Variants in BAZ2B observed in about 807,000 individuals in gnomAD.
BAZ2B encodes bromodomain adjacent to zinc finger domain protein 2B.
BAZ2B carries 91 observed loss-of-function variants against 246.0 expected under a neutral mutation model. That is an observed-to-expected ratio of 0.37 (90% CI 0.31 to 0.44). The LOEUF (loss-of-function observed/expected upper bound fraction) is 0.44. Among genes scored for constraint, BAZ2B ranks in the 20% least tolerant of loss-of-function variants. The pLI is 1.00. For missense variants in BAZ2B, 2,332 were observed against 2,533.7 expected, an observed-to-expected ratio of 0.92 and a Z score of 1.71; for synonymous variants, 855 against 860.0, an observed-to-expected ratio of 0.99 and a Z score of 0.10.
At chr2:159,397,254 A>G (rs2149692176) in intron 19 of BAZ2B, 91 bp downstream of exon 19, 1 of 1,277,776 alleles carries the variant, frequency 7.8e-7, no homozygotes, top group South Asian at 1.4e-5. Flanking sequence ...AGAAATTTTA[A>G]AGAAAATATT....
At chr2:159,555,177 C>T (rs566440053) in intron 2 of BAZ2B, among the ~76,000 whole-genome samples, 1 of 151,232 alleles carries the variant, frequency 6.6e-6, no homozygotes, top group African/African-American at 2.4e-5. Flanking sequence ...CTGCAACCTC[C>T]ACCTCCCGGG....
At chr2:159,696,919 T>C in the BAZ2B span, among the ~76,000 whole-genome samples, 1 of 152,162 alleles carries the variant, frequency 6.6e-6, no homozygotes, top group African/African-American at 2.4e-5. Context: ...CCCAAGTAGC[T>C]GCGACTACAG....
the BAZ2B span, among the ~76,000 whole-genome samples, chr2:159,682,375 C>A: frequency 6.6e-6 from 1 of 151,842 alleles, no homozygotes; most frequent in South Asian, 2.1e-4. Flanking sequence ...GACAGTATCT[C>A]ACTATATTGT....
chr2:159,403,013 C>T (rs2065328757), intron 16 of BAZ2B, among the ~76,000 whole-genome samples: 1 of 151,974 alleles, frequency 6.6e-6, no homozygotes, highest in South Asian at 2.1e-4. Context: ...ATATAGAGTC[C>T]TCGTCAGATC....
rs756592675 is a variant in BAZ2B at position 159,453,720 on chromosome 2, A to G, written c.227T>C (p.Val76Ala). The G allele has an allele frequency of 6.2e-7, 1 of 1,613,720 alleles. No homozygotes were observed. Among genetic ancestry groups the G allele is most frequent in the East Asian group, 2.2e-5 (1 of 44,846 alleles). ...SSAFPMVSHP[V>A]FGLHSASSGH... ...TGAGCTGGCTGAATGTAGACCAAAGACTGGGTGGCTGACCATTGGGAAGGC... is the reference window on the plus strand; with the variant it reads ...TGAGCTGGCTGAATGTAGACCAAAGGCTGGGTGGCTGACCATTGGGAAGGC... The change falls in exon 4 of 37, where the codon GTC becomes GCC. Residue 76 changes from valine to alanine, a missense_variant. Val to Ala is a moderately conservative substitution (Grantham distance 64). This residue lies in a region of BAZ2B where 242 missense variants were observed against 237.4 expected (regional missense o/e 1.02). Coordinates refer to ENST00000392783, the MANE Select transcript of BAZ2B (RefSeq NM_013450.4).
intron 1 of BAZ2B, among the ~76,000 whole-genome samples, chr2:159,600,021 G>A (rs906214860): frequency 3.3e-5 from 5 of 151,992 alleles, no homozygotes; most frequent in African/African-American, 7.2e-5. Flanking sequence ...GTAAAATCTC[G>A]TAGAATGTCC....
At chr2:159,652,808 G>A in the BAZ2B span, among the ~76,000 whole-genome samples, 1 of 151,486 alleles carries the variant, frequency 6.6e-6, no homozygotes, top group Non-Finnish European at 1.5e-5. Context: ...TGTAGAGATG[G>A]GGTCTCACTC....
intron 27 of BAZ2B, among the ~76,000 whole-genome samples, chr2:159,368,050 G>A (rs943484065): frequency 6.6e-6 from 1 of 152,114 alleles, no homozygotes; most frequent in Non-Finnish European, 1.5e-5. Flanking sequence ...TTATACACTT[G>A]TATGTTCTCT....
chr2:159,508,126 C>A (rs1012014191), intron 2 of BAZ2B, among the ~76,000 whole-genome samples: 5 of 152,154 alleles, frequency 3.3e-5, no homozygotes, highest in Admixed American at 1.3e-4. Flanking sequence ...CCGCCTTGGC[C>A]TCCCAAAGTG....
chr2:159,517,134 G>C (rs2083514007), intron 2 of BAZ2B, among the ~76,000 whole-genome samples: 1 of 151,544 alleles, frequency 6.6e-6, no homozygotes, highest in African/African-American at 2.4e-5. Flanking sequence ...TAATTTATGT[G>C]GCAGTCTTTG....
chr2:159,357,472 T>G (rs1034524548), intron 27 of BAZ2B, among the ~76,000 whole-genome samples: 2 of 151,762 alleles, frequency 1.3e-5, no homozygotes, highest in Middle Eastern at 3.2e-3. Context: ...TGGGACTATG[T>G]GAAAAGACCA....
chr2:159,583,898 A>G (rs1687425942), intron 1 of BAZ2B, among the ~76,000 whole-genome samples: 2 of 152,190 alleles, frequency 1.3e-5, no homozygotes, highest in Admixed American at 1.3e-4. Flanking sequence ...AGGAATAGCA[A>G]ATACAAATAG....
intron 3 of BAZ2B, among the ~76,000 whole-genome samples, chr2:159,465,683 A>T (rs901202570): frequency 6.6e-6 from 1 of 152,224 alleles, no homozygotes; most frequent in Admixed American, 6.5e-5. Context: ...GTATTTTGGG[A>T]GGCCGAGGTG....
At chr2:159,595,357 C>A (rs1205392451) in intron 1 of BAZ2B, among the ~76,000 whole-genome samples, 1 of 152,154 alleles carries the variant, frequency 6.6e-6, no homozygotes, top group African/African-American at 2.4e-5. Flanking sequence ...CCACCTCGGC[C>A]TCCCAAAGTG....
rs1393182682 is a variant in BAZ2B at position 159,431,167 on chromosome 2, A to C, written c.1901-11T>G. 6.3e-7 allele frequency: 1 copy of C among 1,595,266 alleles called. No individual in the cohort carries two copies. Among genetic ancestry groups the C allele is most frequent in the East Asian group, 2.2e-5 (1 of 44,630 alleles). On this transcript the variant is annotated splice_polypyrimidine_tract_variant and intron_variant, in intron 9 of 36. Coordinates refer to ENST00000392783, the MANE Select transcript of BAZ2B (RefSeq NM_013450.4). The stretch of plus-strand genomic sequence containing the variant: ...AATTACTATCTGATTCTGGGAAGTA[A>C]AAGAAGCATTTGTATATTATAACTA...
chr2:159,537,733 T>C (rs563494071), intron 2 of BAZ2B, among the ~76,000 whole-genome samples: 2 of 152,356 alleles, frequency 1.3e-5, no homozygotes, highest in African/African-American at 4.8e-5. Flanking sequence ...TTACTATTTA[T>C]CTATTGCTCT....
At chr2:159,640,070 A>T in the BAZ2B span, among the ~76,000 whole-genome samples, 1 of 152,172 alleles carries the variant, frequency 6.6e-6, no homozygotes, top group Admixed American at 6.5e-5. Context: ...TGACATAGAC[A>T]AAATAGATTT....
the BAZ2B span, among the ~76,000 whole-genome samples, chr2:159,623,504 G>A: frequency 7.2e-5 from 11 of 152,252 alleles, no homozygotes; most frequent in East Asian, 3.9e-4. Flanking sequence ...GAAGAATTGC[G>A]GAGATACTGT....
chr2:159,456,186 A>C (rs1354486459), intron 3 of BAZ2B, among the ~76,000 whole-genome samples: 1 of 152,126 alleles, frequency 6.6e-6, no homozygotes, highest in Non-Finnish European at 1.5e-5. Context: ...AATTGAAATT[A>C]TCAAGGATTA....
Sources: allele counts gnomAD v4.1 joint callset (sites outside exome capture counted in the v4.1 genomes callset), GRCh38; gene constraint gnomAD v4.1.1; regional missense constraint gnomAD v4.1.1; transcripts MANE v1.5; gene names NCBI Gene and HGNC (gene_info 2026-07-23, HGNC 2026-07-21).